The following REV3L variants were observed in gnomAD, a reference collection of about 807,000 sequenced individuals.
REV3L encodes the protein REV3 like, DNA directed polymerase zeta catalytic subunit.
REV3L carries 69 observed loss-of-function variants against 299.4 expected under a neutral mutation model. The observed-to-expected ratio is 0.23, with a 90% CI of 0.19 to 0.28. The LOEUF is 0.28. Ranked by LOEUF, REV3L falls within the 10% of genes least tolerant of loss-of-function variation. The pLI is 1.00. For synonymous variants in REV3L, 1,238 were observed against 1,271.4 expected (o/e 0.97, Z 0.56); for missense variants, 3,128 against 3,693.8 (o/e 0.85, Z 3.97).
chr6:111,386,467 A>T (rs565873091), intron 9 of REV3L, among the ~76,000 whole-genome samples: 3 of 152,334 alleles, frequency 2.0e-5, no homozygotes, highest in Admixed American at 2.0e-4. Flanking sequence ...GTGAGGATAT[A>T]GAGCCAGAGA....
chr6:111,376,413 C>G lies in REV3L; in HGVS notation c.1942G>C (p.Glu648Gln). 1 of 1,613,668 alleles carries G rather than the reference C, an allele frequency of 6.2e-7. No homozygotes were observed. Among genetic ancestry groups the G allele is most frequent in the Non-Finnish European group, 8.5e-7 (1 of 1,179,808 alleles). ...ENSHKENSKK[E>Q]ILPVSSCESS... is the part of the protein sequence containing the mutation. The stretch of plus-strand genomic sequence containing the variant: ...TCACAGGAAGATACTGGGAGGATCT[C>G]TTTCTTACTATTCTCTTTATGAGAA... Residue 648 changes from glutamate to glutamine, a missense_variant, in exon 13 of 32, where the codon GAG becomes CAG. Around this residue, in one of 9 missense-constraint regions of REV3L, gnomAD observed 2,409 missense variants for 2,611.8 expected, o/e 0.92. Coordinates refer to ENST00000368802, the MANE Select transcript of REV3L (RefSeq NM_001372078.1).
intron 1 of REV3L, among the ~76,000 whole-genome samples, chr6:111,416,923 G>C (rs545044787): frequency 1.3e-5 from 2 of 152,090 alleles, no homozygotes; most frequent in South Asian, 4.1e-4. Flanking sequence ...AGCTCTGGGA[G>C]AAAGGGGAAT....
chr6:111,422,631 C>CATATATATATAT lies in REV3L; in HGVS notation c.140-6160_140-6159insATATATATATAT, dbSNP rs1554228584. On this transcript the variant is annotated intron_variant, in intron 1 of 31. Transcript: ENST00000368802. Reference sequence around the variant, plus strand: ...ATATATACACATATATATATATATACACATATATATATATATACATATATA... The same window carrying CATATATATATAT: ...ATATATACACATATATATATATATACATATATATATATACATATATATATATATACATATATA... 1.6e-3 allele frequency among the ~76,000 whole-genome samples: 20 copies of CATATATATATAT among 12,742 alleles called. 2 individuals are homozygous for CATATATATATAT. Among genetic ancestry groups the CATATATATATAT allele is most frequent in the East Asian group, 0.01 (10 of 988 alleles). The allele number at this position is 12,742 out of a possible 152,430, so 8.4% of individuals were successfully genotyped here.
intron 3 of REV3L, among the ~76,000 whole-genome samples, chr6:111,406,144 GAT>G (rs1783597547): frequency 6.6e-6 from 1 of 152,136 alleles, no homozygotes; most frequent in Non-Finnish European, 1.5e-5. Flanking sequence ...ATACTAAACA[GAT>G]AGAGGTACAG....
chr6:111,418,454 A>G (rs1449027090), intron 1 of REV3L, among the ~76,000 whole-genome samples: 8 of 152,214 alleles, frequency 5.3e-5, no homozygotes, highest in Non-Finnish European at 8.8e-5. Flanking sequence ...CAGAAGAATT[A>G]CCTTTCTATT....
At chr6:111,401,066 A>G (rs1455452892) in intron 4 of REV3L, among the ~76,000 whole-genome samples, 1 of 152,146 alleles carries the variant, frequency 6.6e-6, no homozygotes, top group South Asian at 2.1e-4. Flanking sequence ...ATTATGGATT[A>G]TTTCAAATAT....
intron 1 of REV3L, among the ~76,000 whole-genome samples, chr6:111,440,568 A>G (rs182150441): frequency 1.3e-5 from 2 of 152,212 alleles, no homozygotes; most frequent in Admixed American, 6.5e-5. Context: ...CATTAATTTC[A>G]CTTATCCCTA....
At chr6:111,342,208 T>C (rs1776561197) in intron 21 of REV3L, among the ~76,000 whole-genome samples, 1 of 152,110 alleles carries the variant, frequency 6.6e-6, no homozygotes, top group Non-Finnish European at 1.5e-5. Context: ...CTGTCATAGA[T>C]TCCAGGCAAA....
chr6:111,367,741 T>C lies in REV3L; in HGVS notation c.6047A>G (p.Tyr2016Cys), dbSNP rs199592368. 2 of 1,614,244 alleles carry C rather than the reference T, an allele frequency of 1.2e-6. No homozygotes were observed. The highest frequency in any genetic ancestry group is 1.7e-6 in the Non-Finnish European group (2 of 1,180,046). Residue 2016 changes from tyrosine (Y) to cysteine (C), a missense_variant, in exon 14 of 32, where the codon TAC becomes TGC. Tyr to Cys is a radical substitution (Grantham distance 194, BLOSUM62 -2). This residue lies in a region of REV3L where 2,409 missense variants were observed against 2,611.8 expected (regional missense o/e 0.92). Coordinates refer to ENST00000368802, the MANE Select transcript of REV3L (RefSeq NM_001372078.1). ...VQVWLQAKEE[Y>C]ERSKKLPKTK... ...TTTAGGCAGTTTCTTGGAACGTTCG[T>C]ATTCTTCTTTGGCTTGAAGCCACAC...
At chr6:111,422,649 C>A (rs546308081) in intron 1 of REV3L, among the ~76,000 whole-genome samples, 1 of 22,502 alleles carries the variant, frequency 4.4e-5, no homozygotes, top group East Asian at 1.0e-3. Flanking sequence ...TATATATATA[C>A]ATATATATAT....
chr6:111,310,940 T>C (rs1772905581), intron 29 of REV3L, 129 bp downstream of exon 29: 8 of 583,480 alleles, frequency 1.4e-5, no homozygotes, highest in Non-Finnish European at 2.2e-5. Context: ...TAACTTTCAG[T>C]GAGGCTTCAT....
intron 1 of REV3L, among the ~76,000 whole-genome samples, chr6:111,471,105 A>G (rs1171732613): frequency 6.6e-6 from 1 of 152,238 alleles, no homozygotes; most frequent in Non-Finnish European, 1.5e-5. Context: ...CATTTAGTCC[A>G]CATTCCACAA....
intron 1 of REV3L, among the ~76,000 whole-genome samples, chr6:111,453,003 T>C (rs555270547): frequency 6.6e-6 from 1 of 152,104 alleles, no homozygotes; most frequent in South Asian, 2.1e-4. Flanking sequence ...TATTTTAATA[T>C]ATAATAATGT....
Position 111,377,765 on chromosome 6 carries a change from A to G in REV3L, c.1533T>C (p.Asp511=), listed in dbSNP as rs140510405. 64 of 1,613,756 alleles carry G rather than the reference A, an allele frequency of 4.0e-5. No individual in the cohort carries two copies. In the African/African-American group the frequency reaches 7.9e-4, roughly 20 times the overall value. ...AAAGACTGGCTAGAAGCAAACTGTTATCACTCCATTCCATTTCTTCTCCTG... is the reference window on the plus strand; with the variant it reads ...AAAGACTGGCTAGAAGCAAACTGTTGTCACTCCATTCCATTTCTTCTCCTG... ...SSSGEEMEWS[D]NSLLLASLSI... The change falls in exon 12 of 32, where the codon GAT becomes GAC. Residue 511 remains aspartate, a synonymous_variant. Coordinates refer to ENST00000368802, the MANE Select transcript of REV3L (RefSeq NM_001372078.1).
At chr6:111,366,789 G>A (rs766641858) in intron 14 of REV3L, among the ~76,000 whole-genome samples, 7 of 152,136 alleles carry the variant, frequency 4.6e-5, no homozygotes, top group Non-Finnish European at 8.8e-5. Flanking sequence ...GGCTGGAGAC[G>A]TGAGGTCAAG....
chr6:111,479,119 C>A (rs1386984682), intron 1 of REV3L, among the ~76,000 whole-genome samples: 1 of 152,144 alleles, frequency 6.6e-6, no homozygotes, highest in African/African-American at 2.4e-5. Flanking sequence ...TCAGTCAAAT[C>A]CTTAAATGAA....
At chr6:111,411,228 G>A (rs759455491) in intron 3 of REV3L, among the ~76,000 whole-genome samples, 3 of 152,104 alleles carry the variant, frequency 2.0e-5, no homozygotes, top group African/African-American at 4.8e-5. Context: ...CAAGGCAGCC[G>A]TAATCTCTCC....
chr6:111,463,121 T>G (rs1412219091), intron 1 of REV3L, among the ~76,000 whole-genome samples: 1 of 152,244 alleles, frequency 6.6e-6, no homozygotes, highest in Non-Finnish European at 1.5e-5. Flanking sequence ...TTTGCTTAGT[T>G]GCAAGAGTTA....
At position 111,411,553 on chromosome 6, in the gene REV3L, G is replaced by C; in HGVS notation, c.331C>G (p.Pro111Ala). ...TCCTTCTCATGATAACCATAAAAAG[G>C]CCTGAAATATAAGAAAAAAAATTTC... is the stretch of plus-strand genomic sequence containing the variant. ...VFKVSLVSGM[P>A]FYGYHEKERH... The change falls in exon 3 of 32, where the codon CCT becomes GCT. Residue 111 changes from proline to alanine, a missense_variant and splice_region_variant. This residue lies in a region of REV3L where 2,409 missense variants were observed against 2,611.8 expected (regional missense o/e 0.92). Transcript: ENST00000368802. The C allele has an allele frequency of 1.3e-6, 2 of 1,543,106 alleles. No homozygotes were observed. Among genetic ancestry groups the C allele is most frequent in the Non-Finnish European group, 1.8e-6 (2 of 1,131,212 alleles).
Sources: gnomAD v4.1 joint callset for allele counts (sites outside exome capture counted in the v4.1 genomes callset) on GRCh38, gnomAD v4.1.1 for gene constraint, gnomAD v4.1.1 regional missense constraint, MANE v1.5 for transcripts, NCBI Gene and HGNC (gene_info 2026-07-23, HGNC 2026-07-21) for gene names.